The following DNAH12 variants were observed in gnomAD, a reference collection of about 807,000 sequenced individuals.
DNAH12 encodes axonemal beta dynein heavy chain 12.
Under a neutral mutation model 371.5 loss-of-function variants are expected in DNAH12, and 285 were observed. The ratio of observed to expected loss-of-function variants is 0.77; its 90% CI spans 0.70 to 0.85. DNAH12 has a LOEUF of 0.85. Among genes scored for constraint, DNAH12 ranks in the 40% least tolerant of loss-of-function variants. DNAH12 has a pLI of 0.00. For missense variants in DNAH12, 3,611 were observed against 3,689.4 expected, an observed-to-expected ratio of 0.98 and a Z score of 0.55; for synonymous variants, 1,200 against 1,213.0, an observed-to-expected ratio of 0.99 and a Z score of 0.22.
chr3:57,416,850 T>C lies in DNAH12; in HGVS notation c.5715-1286A>G, dbSNP rs548000592. Among the ~76,000 whole-genome samples, 122 of 152,274 alleles carry C rather than the reference T, an allele frequency of 8.0e-4. 1 individual carries two copies. The highest frequency in any genetic ancestry group is 7.7e-3 in the South Asian group (37 of 4,828). On this transcript the variant is annotated intron_variant, in intron 37 of 73. Coordinates refer to ENST00000495027, the MANE Select transcript of DNAH12 (RefSeq NM_001366028.2). ...CTAATTTTAAGGGGAAAAGTAATCA[T>C]ATGAGTTTATGTTCACAAAACTCTG...
intron 18 of DNAH12, among the ~76,000 whole-genome samples, chr3:57,462,145 G>A (rs1036671402): frequency 1.3e-5 from 2 of 152,184 alleles, no homozygotes; most frequent in Non-Finnish European, 2.9e-5. Flanking sequence ...ATCATCCAAC[G>A]ACATTGGAAT....
At chr3:57,408,243 G>A (rs2064097366) in intron 40 of DNAH12, 37 bp downstream of exon 40, 1 of 1,473,480 alleles carries the variant, frequency 6.8e-7, no homozygotes, top group African/African-American at 1.4e-5. Context: ...AGGGAAATAT[G>A]TAATACTAAA....
intron 11 of DNAH12, among the ~76,000 whole-genome samples, chr3:57,499,855 T>C (rs1359873125): frequency 1.4e-5 from 2 of 147,802 alleles, no homozygotes; most frequent in East Asian, 2.0e-4. Flanking sequence ...AAAACAAAAC[T>C]CTATATGTTT....
chr3:57,357,560 A>AGGGGAAGGAGAGAAAG (rs1176877801), intron 58 of DNAH12, among the ~76,000 whole-genome samples: 1 of 152,188 alleles, frequency 6.6e-6, no homozygotes, highest in African/African-American at 2.4e-5. Context: ...GATGGAGGAA[A>AGGGGAAGGAGAGAAAG]GGGGAAGGAG....
intron 60 of DNAH12, among the ~76,000 whole-genome samples, chr3:57,349,374 T>G (rs1024292655): frequency 6.6e-6 from 1 of 152,214 alleles, no homozygotes; most frequent in Non-Finnish European, 1.5e-5. Context: ...TTGGTGGGAA[T>G]GTAAACTAGT....
intron 50 of DNAH12, among the ~76,000 whole-genome samples, chr3:57,382,029 G>A (rs1365971515): frequency 4.6e-5 from 7 of 152,164 alleles, no homozygotes; most frequent in African/African-American, 1.7e-4. Flanking sequence ...CACCGCACCT[G>A]GCTAATTTAT....
chr3:57,376,767 T>C (rs1299057710), intron 53 of DNAH12, among the ~76,000 whole-genome samples: 3 of 152,166 alleles, frequency 2.0e-5, no homozygotes, highest in Non-Finnish European at 4.4e-5. Flanking sequence ...ATTTGCCTTG[T>C]TTGCCTCTTT....
intron 39 of DNAH12, 25 bp downstream of exon 39, chr3:57,413,721 A>G (rs983894110): frequency 8.6e-5 from 132 of 1,542,598 alleles, no homozygotes; most frequent in Non-Finnish European, 1.1e-4. Flanking sequence ...TAACTTCAGC[A>G]TAACTTATCG....
intron 60 of DNAH12, among the ~76,000 whole-genome samples, chr3:57,346,268 GTGAAA>G: frequency 6.6e-6 from 1 of 152,192 alleles, no homozygotes; most frequent in Middle Eastern, 3.4e-3. Flanking sequence ...CTATGGATAA[GTGAAA>G]TGAATGACCA....
chr3:57,397,912 G>A (rs1331567707), intron 43 of DNAH12, among the ~76,000 whole-genome samples: 5 of 152,130 alleles, frequency 3.3e-5, no homozygotes, highest in African/African-American at 4.8e-5. Context: ...TTAAGGAAAC[G>A]TGGCCCAGTC....
At chr3:57,353,008 G>C (rs1271979126) in intron 59 of DNAH12, among the ~76,000 whole-genome samples, 1 of 152,082 alleles carries the variant, frequency 6.6e-6, no homozygotes, top group Non-Finnish European at 1.5e-5. Context: ...AGAATTGCTT[G>C]AACCCGGGAG....
intron 62 of DNAH12, among the ~76,000 whole-genome samples, chr3:57,328,207 T>C (rs2061997266): frequency 6.6e-6 from 1 of 151,188 alleles, no homozygotes; most frequent in Non-Finnish European, 1.5e-5. Flanking sequence ...CCTAACTCAT[T>C]TTATGAGGCC....
intron 30 of DNAH12, among the ~76,000 whole-genome samples, chr3:57,435,710 TACTCAGGAA>T (rs1450558453): frequency 6.6e-6 from 1 of 152,068 alleles, no homozygotes; most frequent in African/African-American, 2.4e-5. Flanking sequence ...TAGTCCCAGC[TACTCAGGAA>T]GCTCAGGAGG....
In DNAH12 at chr3:57,470,605, C is replaced by T. The variant is rs371050375; in HGVS notation, c.1943G>A (p.Arg648His). 28 of 1,541,382 alleles carry T rather than the reference C, an allele frequency of 1.8e-5. No individual in the cohort carries two copies. In the Admixed American group the frequency reaches 2.5e-4, roughly 14 times the overall value. ...YVTDVRQLQK[R>H]IQESEEAVQF... ...CACTGCTTCTTCAGATTCCTGAATA[C>T]GTTTTTGTAGTTGTCTTACATCTGT... is the stretch of plus-strand genomic sequence containing the variant. Residue 648 changes from arginine (R) to histidine (H), a missense_variant, in exon 16 of 74, where the codon CGT (arginine) becomes CAT (histidine). Arg to His is a conservative substitution (Grantham distance 29). This residue lies in a region of DNAH12 where 1,314 missense variants were observed against 1,398.7 expected (regional missense o/e 0.94). Transcript: ENST00000495027.
At chr3:57,309,115 G>A in intron 69 of DNAH12, 36 bp downstream of exon 69, 3 of 1,424,610 alleles carry the variant, frequency 2.1e-6, no homozygotes, top group East Asian at 2.5e-5. Flanking sequence ...TAAGAAGACA[G>A]TTGCCTTCTG....
At chr3:57,507,998 C>T (rs2067827633) in intron 7 of DNAH12, among the ~76,000 whole-genome samples, 160 bp from the exon 8 acceptor site, 1 of 151,678 alleles carries the variant, frequency 6.6e-6, no homozygotes, top group African/African-American at 2.4e-5. Context: ...ACCAACCTGG[C>T]CAACATGGTA....
intron 62 of DNAH12, among the ~76,000 whole-genome samples, chr3:57,331,198 A>G (rs1218771015): frequency 2.0e-5 from 3 of 152,226 alleles, no homozygotes; most frequent in Non-Finnish European, 4.4e-5. Flanking sequence ...GCTATGGTAT[A>G]TAAGCACAGG....
At chr3:57,314,720 C>A in intron 65 of DNAH12, 89 bp from the exon 66 acceptor site, 1 of 1,365,968 alleles carries the variant, frequency 7.3e-7, no homozygotes, top group Non-Finnish European at 9.7e-7. Context: ...ATCTTTCTCA[C>A]AAGATTCTGT....
chr3:57,312,998 T>C (rs1328843511), intron 66 of DNAH12, among the ~76,000 whole-genome samples: 3 of 152,244 alleles, frequency 2.0e-5, no homozygotes, highest in African/African-American at 7.2e-5. Flanking sequence ...TGAAATCTAA[T>C]AGCACCAATT....
Sources: gnomAD v4.1 joint callset for allele counts (sites outside exome capture counted in the v4.1 genomes callset) on GRCh38, gnomAD v4.1.1 for gene constraint, gnomAD v4.1.1 regional missense constraint, MANE v1.5 for transcripts, NCBI Gene and HGNC (gene_info 2026-07-23, HGNC 2026-07-21) for gene names.